MYO9A: variants seen among roughly 807,000 people sequenced by gnomAD.
The protein encoded by MYO9A is unconventional myosin-IXa.
In MYO9A, 103 loss-of-function variants were observed where a neutral mutation model predicts 293.3. That is an observed-to-expected ratio of 0.35 (90% CI 0.30 to 0.41). The LOEUF is 0.41. Among genes scored for constraint, MYO9A ranks in the 10% least tolerant of loss-of-function variants. MYO9A has a pLI of 1.00. For synonymous variants in MYO9A, 1,001 were observed against 1,035.7 expected, an observed-to-expected ratio of 0.97 and a Z score of 0.64; for missense variants, 2,685 against 3,033.0, an observed-to-expected ratio of 0.89 and a Z score of 2.69.
chr15:72,022,370 A>C (rs2077526541), intron 4 of MYO9A, among the ~76,000 whole-genome samples: 1 of 151,970 alleles, frequency 6.6e-6, no homozygotes, highest in Admixed American at 6.6e-5. Flanking sequence ...AAATACAAAA[A>C]TTAGCTGGGC....
In MYO9A at chr15:71,848,942, T is replaced by C; in HGVS notation, c.6740A>G (p.Gln2247Arg). The change falls in exon 39 of 42, where the codon CAA becomes CGA. Residue 2247 changes from glutamine (Q) to arginine (R), a missense_variant. Gln to Arg is a conservative substitution (Grantham distance 43, BLOSUM62 1). This residue lies in a region of MYO9A where 238 missense variants were observed against 269.1 expected (regional missense o/e 0.88). Transcript: ENST00000356056. ...TTCVELIVVE[Q>R]MNKYKARLKD... ...GAGACGAGCCTTGTATTTATTCATT[T>C]GTTCCACAACAATCAGTTCCACACA... is the stretch of plus-strand genomic sequence containing the variant. 1.9e-6 allele frequency: 3 copies of C among 1,608,294 alleles called. No homozygotes were observed. The highest frequency in any genetic ancestry group is 2.5e-6 in the Non-Finnish European group (3 of 1,178,596).
chr15:71,913,892 G>C (rs558767178), intron 19 of MYO9A, among the ~76,000 whole-genome samples: 1 of 151,798 alleles, frequency 6.6e-6, no homozygotes, highest in Non-Finnish European at 1.5e-5. Context: ...ATAAAAGGTC[G>C]TTTCACTCTG....
At chr15:72,078,601 C>A (rs533251363) in intron 1 of MYO9A, among the ~76,000 whole-genome samples, 9 of 152,130 alleles carry the variant, frequency 5.9e-5, no homozygotes, top group Non-Finnish European at 1.2e-4. Flanking sequence ...ATTGCTTGAG[C>A]CCAGGAGTTT....
intron 1 of MYO9A, among the ~76,000 whole-genome samples, chr15:72,060,158 C>T (rs1169933581): frequency 6.6e-6 from 1 of 152,082 alleles, no homozygotes; most frequent in Non-Finnish European, 1.5e-5. Context: ...ATCATCTCTA[C>T]TTCTGTATTT....
chr15:71,938,995 T>G (rs144433340), intron 15 of MYO9A, 68 bp from the exon 16 acceptor site: 62 of 1,279,484 alleles, frequency 4.8e-5, no homozygotes, highest in Non-Finnish European at 6.3e-5. Context: ...AAATAGTTTT[T>G]CTAAAGACAA....
At chr15:71,863,728 T>C (rs750921964) in intron 32 of MYO9A, among the ~76,000 whole-genome samples, 6 of 152,198 alleles carry the variant, frequency 3.9e-5, no homozygotes, top group Admixed American at 1.3e-4. Context: ...ATAGGTTTCA[T>C]AGTGGTGAAG....
intron 39 of MYO9A, among the ~76,000 whole-genome samples, chr15:71,837,030 A>C (rs1029823127): frequency 3.9e-5 from 6 of 152,122 alleles, no homozygotes; most frequent in Non-Finnish European, 8.8e-5. Flanking sequence ...TTTTGCAATA[A>C]AAAAGATATT....
chr15:71,915,301 C>T (rs2057976506), intron 19 of MYO9A, among the ~76,000 whole-genome samples: 1 of 152,020 alleles, frequency 6.6e-6, no homozygotes, highest in South Asian at 2.1e-4. Flanking sequence ...ATGCCATTAA[C>T]CCATATGATT....
chr15:71,897,437 T>C (rs764168904), intron 25 of MYO9A, 24 bp downstream of exon 25: 1 of 1,559,128 alleles, frequency 6.4e-7, no homozygotes, highest in African/African-American at 1.4e-5. Context: ...TTCCCATTTA[T>C]ACATAAATAA....
chr15:71,916,714 CTA>C (rs917355701), intron 18 of MYO9A, among the ~76,000 whole-genome samples: 10 of 152,170 alleles, frequency 6.6e-5, no homozygotes, highest in African/African-American at 2.4e-4. Flanking sequence ...TCTCTTGCAT[CTA>C]GAGTTCTGGA....
chr15:71,962,582 G>A (rs1254153294), intron 13 of MYO9A, among the ~76,000 whole-genome samples: 1 of 152,138 alleles, frequency 6.6e-6, no homozygotes. Context: ...AACTACTGAT[G>A]GCAGACAAGC....
intron 18 of MYO9A, among the ~76,000 whole-genome samples, chr15:71,916,747 A>G (rs1317715459): frequency 2.6e-5 from 4 of 152,330 alleles, no homozygotes; most frequent in East Asian, 3.9e-4. Flanking sequence ...GTTTACTAAT[A>G]AAAGGCCCAC....
intron 11 of MYO9A, among the ~76,000 whole-genome samples, chr15:71,982,445 G>A (rs994341509): frequency 1.3e-5 from 2 of 151,388 alleles, no homozygotes; most frequent in Admixed American, 6.6e-5. Flanking sequence ...TCTGACTTTC[G>A]CTTTATGGTC....
chr15:71,845,523 T>C (rs1233624645), intron 39 of MYO9A, among the ~76,000 whole-genome samples: 2 of 152,230 alleles, frequency 1.3e-5, no homozygotes, highest in African/African-American at 4.8e-5. Context: ...ATTTTCATAA[T>C]TATACTAAGA....
At chr15:71,902,502 C>T (rs764226609) in intron 22 of MYO9A, among the ~76,000 whole-genome samples, 8 of 151,588 alleles carry the variant, frequency 5.3e-5, no homozygotes, top group South Asian at 2.1e-4. Flanking sequence ...AAACAGAAAG[C>T]GATGTAAGAA....
At chr15:71,966,206 T>C (rs979873471) in intron 13 of MYO9A, among the ~76,000 whole-genome samples, 1 of 151,454 alleles carries the variant, frequency 6.6e-6, no homozygotes, top group Non-Finnish European at 1.5e-5. Flanking sequence ...CCAGCTTTTA[T>C]CCTTTCTCCA....
chr15:71,984,527 C>T (rs984036808), intron 11 of MYO9A, among the ~76,000 whole-genome samples: 23 of 152,152 alleles, frequency 1.5e-4, no homozygotes, highest in African/African-American at 5.3e-4. Flanking sequence ...TCAAACACGG[C>T]TTCTAACTTA....
chr15:72,096,861 T>G (rs767336435), intron 1 of MYO9A, among the ~76,000 whole-genome samples: 302 of 152,310 alleles, frequency 2.0e-3, no homozygotes, highest in Admixed American at 4.8e-3. Flanking sequence ...AAGACTTCAG[T>G]GGAAGAAGGA....
At chr15:71,993,997 T>C (rs565007246) in intron 10 of MYO9A, among the ~76,000 whole-genome samples, 1 of 151,408 alleles carries the variant, frequency 6.6e-6, no homozygotes, top group Non-Finnish European at 1.5e-5. Context: ...GATAATGTTA[T>C]CCTAGAGAAA....
Sources: gnomAD v4.1 joint callset for allele counts (sites outside exome capture counted in the v4.1 genomes callset) on GRCh38, gnomAD v4.1.1 for gene constraint, gnomAD v4.1.1 regional missense constraint, MANE v1.5 for transcripts, NCBI Gene and HGNC (gene_info 2026-07-23, HGNC 2026-07-21) for gene names.